The following CACNB4 variants were observed in gnomAD, a reference collection of about 807,000 sequenced individuals.
CACNB4 encodes the protein voltage-dependent L-type calcium channel subunit beta-4.
In CACNB4, 32 loss-of-function variants were observed where a neutral mutation model predicts 71.2. That is an observed-to-expected ratio of 0.45 (90% CI 0.34 to 0.60). The LOEUF (loss-of-function observed/expected upper bound fraction) is 0.60. Among genes scored for constraint, CACNB4 ranks in the 20% least tolerant of loss-of-function variants. CACNB4 has a pLI of 0.01. For synonymous variants in CACNB4, 231 were observed against 236.9 expected, an observed-to-expected ratio of 0.97 and a Z score of 0.23; for missense variants, 464 against 647.9, an observed-to-expected ratio of 0.72 and a Z score of 3.08.
In CACNB4 at chr2:151,835,219, G is replaced by A. The variant is rs1274913062; in HGVS notation, c.*3900C>T. The A allele has an allele frequency of 1.3e-5, 2 of 151,900 alleles. No homozygotes were observed. The allele number at this position is 151,900 out of a possible 1,614,324, so 9.4% of individuals were successfully genotyped here. On this transcript the variant is annotated 3_prime_UTR_variant, in exon 14 of 14. Transcript: ENST00000539935. ...CCTTGCAGTTTGTTTTGTTCCCTATGATGACTTATTTGTTAAATTAACCTT... is the reference window on the plus strand; with the variant it reads ...CCTTGCAGTTTGTTTTGTTCCCTATAATGACTTATTTGTTAAATTAACCTT...
At chr2:151,952,451 C>G (rs1343857255) in intron 2 of CACNB4, among the ~76,000 whole-genome samples, 1 of 152,190 alleles carries the variant, frequency 6.6e-6, no homozygotes, top group Non-Finnish European at 1.5e-5. Context: ...TGGGGGTCTC[C>G]TCTTTCTCTG....
In CACNB4 at chr2:151,911,438, T is replaced by C. The variant is rs868735728; in HGVS notation, c.148-28068A>G. Among the ~76,000 whole-genome samples the C allele has an allele frequency of 3.7e-4, 56 of 152,190 alleles. 1 individual carries two copies. Among genetic ancestry groups the C allele is most frequent in the African/African-American group, 1.1e-3 (46 of 41,454 alleles). On this transcript the variant is annotated intron_variant, in intron 2 of 13. Transcript: ENST00000539935. The stretch of plus-strand genomic sequence containing the variant: ...ATTCAGTGTGATATTGGCTGCGGGT[T>C]TGTTATAAATAGCTCTTATTATTTT...
At chr2:151,950,397 T>C (rs1034075691) in intron 2 of CACNB4, among the ~76,000 whole-genome samples, 1 of 152,222 alleles carries the variant, frequency 6.6e-6, no homozygotes, top group African/African-American at 2.4e-5. Context: ...TCAGGCCCTA[T>C]GGAAAGTCTT....
At chr2:152,042,484 C>T (rs1334362621) in intron 2 of CACNB4, among the ~76,000 whole-genome samples, 1 of 152,194 alleles carries the variant, frequency 6.6e-6, no homozygotes, top group East Asian at 1.9e-4. Context: ...GCAAGCTACT[C>T]TTGGAAGTCA....
chr2:151,871,605 T>C (rs962850086), intron 6 of CACNB4: 7 of 152,444 alleles, frequency 4.6e-5, no homozygotes, highest in Non-Finnish European at 1.0e-4. Context: ...TTCAGTGTCC[T>C]GTAGATAAGA....
intron 6 of CACNB4, 156 bp from the exon 7 acceptor site, chr2:151,871,017 T>G (rs2099844478): frequency 1.6e-6 from 1 of 619,520 alleles, no homozygotes; most frequent in African/African-American, 1.9e-5. Flanking sequence ...ATGATTTCAT[T>G]CTGGACACGT....
chr2:152,097,319 A>AAAACACATT (rs1688325714), intron 2 of CACNB4, among the ~76,000 whole-genome samples: 1 of 152,192 alleles, frequency 6.6e-6, no homozygotes, highest in Non-Finnish European at 1.5e-5. Flanking sequence ...CATAGGTTAG[A>AAAACACATT]AAACACATTA....
intron 12 of CACNB4, among the ~76,000 whole-genome samples, chr2:151,843,198 G>C (rs1402513762): frequency 1.3e-5 from 2 of 152,196 alleles, no homozygotes; most frequent in South Asian, 4.1e-4. Context: ...GTGTGGCTGG[G>C]AACACAGACA....
chr2:152,041,257 A>C (rs888611177), intron 2 of CACNB4, among the ~76,000 whole-genome samples: 11 of 152,222 alleles, frequency 7.2e-5, no homozygotes, highest in Non-Finnish European at 1.2e-4. Context: ...TTTTCACTGC[A>C]GAATCCTTTG....
chr2:151,995,304 C>T (rs1179636358), intron 2 of CACNB4, among the ~76,000 whole-genome samples: 1 of 151,776 alleles, frequency 6.6e-6, no homozygotes, highest in East Asian at 1.9e-4. Flanking sequence ...AAAGTCATTA[C>T]AAGGTAAAAT....
intron 2 of CACNB4, among the ~76,000 whole-genome samples, chr2:151,962,293 G>A (rs1326121603): frequency 2.0e-5 from 3 of 152,098 alleles, no homozygotes. Flanking sequence ...CTAGCCATGG[G>A]GGTACAGCAC....
chr2:152,035,932 C>T (rs1011636725), intron 2 of CACNB4, among the ~76,000 whole-genome samples: 2 of 152,086 alleles, frequency 1.3e-5, no homozygotes. Flanking sequence ...CCTAAATGTC[C>T]ATCTATGCAT....
At position 152,076,708 on chromosome 2, in the gene CACNB4, G is replaced by A. The variant is rs141553115; in HGVS notation, c.147+21622C>T. Among the ~76,000 whole-genome samples, 87 of 51,338 alleles carry A rather than the reference G, an allele frequency of 1.7e-3. 2 individuals carry two copies. The East Asian group carries it at 0.044, about 26-fold the overall frequency. The allele number at this position is 51,338 out of a possible 152,430, so 33.7% of individuals were successfully genotyped here. A position where few individuals can be genotyped will look rare whatever the true frequency, so the allele number is the denominator to read the frequency against. On this transcript the variant is annotated intron_variant, in intron 2 of 13. Coordinates refer to ENST00000539935, the MANE Select transcript of CACNB4 (RefSeq NM_000726.5). ...CTCACTCAGCTGATAATAAAGACTA[G>A]GACCTACCCAGATACTGATCTCAAA... is the stretch of plus-strand genomic sequence containing the variant.
At chr2:151,995,298 T>C (rs984700852) in intron 2 of CACNB4, among the ~76,000 whole-genome samples, 1 of 150,202 alleles carries the variant, frequency 6.7e-6, no homozygotes, top group Non-Finnish European at 1.5e-5. Flanking sequence ...AAGGCCAAAG[T>C]CATTACAAGG....
At chr2:151,933,753 T>C (rs1434417258) in intron 2 of CACNB4, among the ~76,000 whole-genome samples, 2 of 152,176 alleles carry the variant, frequency 1.3e-5, no homozygotes, top group African/African-American at 2.4e-5. Flanking sequence ...AAACTCCATA[T>C]ATTTTGAGGG....
chr2:151,936,948 T>C (rs1578872230), intron 2 of CACNB4, among the ~76,000 whole-genome samples: 1 of 152,258 alleles, frequency 6.6e-6, no homozygotes, highest in Non-Finnish European at 1.5e-5. Flanking sequence ...GATGCTTTAG[T>C]TGATTTATGG....
chr2:151,945,124 T>C (rs76486982), intron 2 of CACNB4, among the ~76,000 whole-genome samples: 2,778 of 152,276 alleles, frequency 0.018, 98 homozygotes, highest in African/African-American at 0.062. Flanking sequence ...ACTGAGACAC[T>C]CGGTGTCTCA....
chr2:152,084,432 C>T (rs941553734), intron 2 of CACNB4, among the ~76,000 whole-genome samples: 1 of 152,188 alleles, frequency 6.6e-6, no homozygotes, highest in Non-Finnish European at 1.5e-5. Context: ...TGGCAGTAGA[C>T]ATCAATGAGC....
At chr2:152,016,853 GT>G (rs1030335233) in intron 2 of CACNB4, among the ~76,000 whole-genome samples, 100 of 152,288 alleles carry the variant, frequency 6.6e-4, no homozygotes, top group African/African-American at 2.3e-3. Context: ...TGTGCTTACT[GT>G]TTTAAATTAT....
Sources: gnomAD v4.1 joint callset for allele counts (sites outside exome capture counted in the v4.1 genomes callset) on GRCh38, gnomAD v4.1.1 for gene constraint, MANE v1.5 for transcripts, NCBI Gene and HGNC (gene_info 2026-07-23, HGNC 2026-07-21) for gene names.